Variants in TAFA1 observed in about 807,000 individuals in gnomAD.
TAFA1 encodes chemokine-like protein TAFA-1.
Under a neutral mutation model 18.5 loss-of-function variants are expected in TAFA1, and 4 were observed. That is an observed-to-expected ratio of 0.22 (90% CI 0.11 to 0.49). The LOEUF is 0.49. Among genes scored for constraint, TAFA1 ranks in the 20% least tolerant of loss-of-function variants. The pLI is 0.98. For missense variants in TAFA1, 147 were observed against 169.0 expected (o/e 0.87, Z 0.72); for synonymous variants, 56 against 55.2 (o/e 1.01, Z -0.06).
At chr3:68,186,897 A>G (rs917260032) in intron 2 of TAFA1, among the ~76,000 whole-genome samples, 3 of 151,880 alleles carry the variant, frequency 2.0e-5, no homozygotes, top group African/African-American at 7.3e-5. Flanking sequence ...CCTAGCCCAC[A>G]TATGATTCTT....
intron 2 of TAFA1, among the ~76,000 whole-genome samples, chr3:68,160,513 G>C (rs2065912301): frequency 6.6e-6 from 1 of 152,136 alleles, no homozygotes. Flanking sequence ...TTCTGGCTAA[G>C]TGACTCTACA....
chr3:68,424,584 A>G (rs2071019159), intron 3 of TAFA1, among the ~76,000 whole-genome samples: 1 of 152,012 alleles, frequency 6.6e-6, no homozygotes, highest in Non-Finnish European at 1.5e-5. Context: ...GGAAAAAGTC[A>G]TGATACAATT....
chr3:68,543,923 C>T (rs1166294578), intron 4 of TAFA1, among the ~76,000 whole-genome samples: 1 of 152,076 alleles, frequency 6.6e-6, no homozygotes, highest in Non-Finnish European at 1.5e-5. Context: ...TGTGTTCCTA[C>T]ACAGATGTGG....
At chr3:68,287,104 C>A (rs1347222914) in intron 2 of TAFA1, among the ~76,000 whole-genome samples, 1 of 152,154 alleles carries the variant, frequency 6.6e-6, no homozygotes, top group Non-Finnish European at 1.5e-5. Flanking sequence ...CTCTGCATGT[C>A]CAAGTGGAGA....
intron 2 of TAFA1, among the ~76,000 whole-genome samples, chr3:68,276,951 AT>A (rs1217815394): frequency 6.6e-6 from 1 of 152,182 alleles, no homozygotes; most frequent in Non-Finnish European, 1.5e-5. Context: ...TATTCAAAGA[AT>A]ATAGTCAAGT....
chr3:68,364,731 A>G (rs747218740), intron 2 of TAFA1, among the ~76,000 whole-genome samples: 8 of 152,206 alleles, frequency 5.3e-5, no homozygotes, highest in Non-Finnish European at 8.8e-5. Flanking sequence ...CATAACTAAC[A>G]TTGAAATACT....
intron 2 of TAFA1, among the ~76,000 whole-genome samples, chr3:68,234,816 T>C (rs1304034240): frequency 6.6e-6 from 1 of 152,220 alleles, no homozygotes; most frequent in Non-Finnish European, 1.5e-5. Flanking sequence ...ACAAAGTCAC[T>C]GAAAATCACA....
intron 3 of TAFA1, among the ~76,000 whole-genome samples, chr3:68,494,776 T>C (rs752254585): frequency 9.9e-5 from 15 of 152,206 alleles, no homozygotes; most frequent in Non-Finnish European, 1.5e-4. Flanking sequence ...CAATTCCTAA[T>C]TGACACACTA....
chr3:68,263,293 A>G (rs994637660), intron 2 of TAFA1, among the ~76,000 whole-genome samples: 1 of 152,136 alleles, frequency 6.6e-6, no homozygotes, highest in African/African-American at 2.4e-5. Context: ...TACCTGACAT[A>G]CAATATGCTG....
At chr3:67,997,383 C>T in the TAFA1 span, among the ~76,000 whole-genome samples, 1 of 152,100 alleles carries the variant, frequency 6.6e-6, no homozygotes, top group African/African-American at 2.4e-5. Flanking sequence ...AGAGGTAGAG[C>T]TGAAATAGAC....
intron 2 of TAFA1, among the ~76,000 whole-genome samples, chr3:68,217,335 A>G (rs1335844379): frequency 6.6e-6 from 1 of 152,044 alleles, no homozygotes; most frequent in Admixed American, 6.6e-5. Flanking sequence ...TAATTATGGA[A>G]AAAAATCAGA....
chr3:68,321,539 G>T (rs1235058511), intron 2 of TAFA1, among the ~76,000 whole-genome samples: 1 of 152,112 alleles, frequency 6.6e-6, no homozygotes, highest in Non-Finnish European at 1.5e-5. Flanking sequence ...GAGTCATTTG[G>T]TGAAAATGGC....
intron 4 of TAFA1, among the ~76,000 whole-genome samples, chr3:68,543,910 C>A (rs564300326): frequency 6.6e-6 from 1 of 152,028 alleles, no homozygotes; most frequent in African/African-American, 2.4e-5. Context: ...AGTTTCTCAT[C>A]GCTGTGTTCC....
intron 2 of TAFA1, among the ~76,000 whole-genome samples, chr3:68,205,502 T>C (rs1022001463): frequency 2.0e-5 from 3 of 151,756 alleles, no homozygotes; most frequent in Admixed American, 1.3e-4. Flanking sequence ...ATTGGTGAAA[T>C]GTGGATATTT....
chr3:68,314,982 A>G (rs1324812865), intron 2 of TAFA1, among the ~76,000 whole-genome samples: 1 of 147,066 alleles, frequency 6.8e-6, no homozygotes, highest in Non-Finnish European at 1.5e-5. Context: ...AAGAAAATAT[A>G]TTAAGAAAAT....
intron 2 of TAFA1, among the ~76,000 whole-genome samples, chr3:68,293,436 T>C (rs1412862735): frequency 5.3e-5 from 8 of 152,168 alleles, no homozygotes; most frequent in Non-Finnish European, 8.8e-5. Flanking sequence ...ACCCCATCAG[T>C]TATCTTGGGG....
intron 2 of TAFA1, among the ~76,000 whole-genome samples, chr3:68,297,837 TTAA>T (rs2068237989): frequency 6.6e-6 from 1 of 152,192 alleles, no homozygotes; most frequent in South Asian, 2.1e-4. Flanking sequence ...TCTTTGTAAG[TTAA>T]TATTCTATTT....
intron 2 of TAFA1, among the ~76,000 whole-genome samples, chr3:68,398,539 G>A (rs546060053): frequency 1.8e-4 from 27 of 152,094 alleles, no homozygotes; most frequent in Non-Finnish European, 3.8e-4. Context: ...CTGCATTATT[G>A]ACTGCAGTAG....
At chr3:68,076,458 TC>T (rs1559727944) in intron 2 of TAFA1, among the ~76,000 whole-genome samples, 1 of 31,980 alleles carries the variant, frequency 3.1e-5, no homozygotes, top group African/African-American at 1.2e-4. Context: ...CCCTCCCCCC[TC>T]CCCCCACCCC....
Sources: allele counts gnomAD v4.1 joint callset (sites outside exome capture counted in the v4.1 genomes callset), GRCh38; gene constraint gnomAD v4.1.1; transcripts MANE v1.5; gene names NCBI Gene and HGNC (gene_info 2026-07-23, HGNC 2026-07-21).